Variants in AEN observed in about 807,000 individuals in gnomAD.
AEN encodes the protein apoptosis enhancing nuclease.
A neutral mutation model predicts 17.7 loss-of-function variants in AEN; 21 were observed. The ratio of observed to expected loss-of-function variants is 1.19; its 90% CI spans 0.84 to 1.71. AEN has a LOEUF of 1.71. Among genes scored for constraint, AEN ranks in the 40% most tolerant of loss-of-function variants. The pLI, the probability that AEN is intolerant of heterozygous loss-of-function variation, is 0.00. For missense variants in AEN, 462 were observed against 435.9 expected, an observed-to-expected ratio of 1.06 and a Z score of -0.53; for synonymous variants, 190 against 173.0, an observed-to-expected ratio of 1.10 and a Z score of -0.77.
At chr15:88,617,126 T>C (rs1446718578), upstream of AEN, among the ~76,000 whole-genome samples, 2 of 152,220 alleles carry the variant, frequency 1.3e-5, no homozygotes, top group Non-Finnish European at 2.9e-5. Context: ...GGTCTCACTA[T>C]GTTGCCCAGG....
chr15:88,616,864 ATGT>A (rs1294052393), upstream of AEN, among the ~76,000 whole-genome samples: 1 of 152,162 alleles, frequency 6.6e-6, no homozygotes, highest in Non-Finnish European at 1.5e-5. Context: ...GCCAATGTAA[ATGT>A]TGTAAGTACA....
chr15:88,613,588 G>C, the AEN span, among the ~76,000 whole-genome samples: 10 of 151,880 alleles, frequency 6.6e-5, no homozygotes, highest in South Asian at 6.3e-4. Context: ...AAGCATCTCG[G>C]GGGGGGATGT....
chr15:88,605,730 C>A, the AEN span, among the ~76,000 whole-genome samples: 3 of 152,192 alleles, frequency 2.0e-5, no homozygotes, highest in Middle Eastern at 3.2e-3. This position sits in a 1 kb window ranked among gnomAD's most constrained non-coding sequence, Gnocchi z 7.6. Context: ...TCCTTCGAGT[C>A]GCTACCCGCT....
At position 88,626,862 on chromosome 15, in the gene AEN, C is replaced by T. The variant is rs763784853; in HGVS notation, c.540+113C>T. On this transcript the variant is annotated intron_variant, in intron 2 of 3. Coordinates refer to ENST00000332810, the MANE Select transcript of AEN (RefSeq NM_022767.4). The stretch of plus-strand genomic sequence containing the variant: ...GGGCAAGAAACCTTGGGAAAGTCAC[C>T]TAACTGCTCCAAACAGTAGGTTCCT... The T allele has an allele frequency of 7.6e-6, 9 of 1,185,266 alleles. No homozygotes were observed. The South Asian group carries it at 1.0e-4, about 13-fold the overall frequency. The allele number at this position is 1,185,266 out of a possible 1,614,324, so 73.4% of individuals were successfully genotyped here.
upstream of AEN, among the ~76,000 whole-genome samples, chr15:88,617,500 G>A (rs939444757): frequency 6.6e-5 from 10 of 152,260 alleles, no homozygotes; most frequent in African/African-American, 1.4e-4. Context: ...TGATTCACCC[G>A]CCTTGGCCTC....
the AEN span, among the ~76,000 whole-genome samples, chr15:88,607,257 C>G: frequency 0.3 from 46,381 of 152,152 alleles, 7,285 homozygotes; most frequent in Non-Finnish European, 0.34. Context: ...TCCCCAGCAT[C>G]GCCTTCATAA....
At chr15:88,605,439 T>G in the AEN span, among the ~76,000 whole-genome samples, 1 of 152,170 alleles carries the variant, frequency 6.6e-6, no homozygotes, top group Admixed American at 6.5e-5. This position sits in a 1 kb window ranked among gnomAD's most constrained non-coding sequence, Gnocchi z 7.6. Context: ...AAGCCTCTCC[T>G]CTTTGCTTTG....
At chr15:88,606,953 C>A in the AEN span, among the ~76,000 whole-genome samples, 2 of 129,678 alleles carry the variant, frequency 1.5e-5, no homozygotes, top group Non-Finnish European at 3.2e-5. Context: ...TCTCTTTTTC[C>A]CCCTTAAAAT....
chr15:88,607,368 C>G, the AEN span, among the ~76,000 whole-genome samples: 2 of 152,196 alleles, frequency 1.3e-5, no homozygotes, highest in Non-Finnish European at 2.9e-5. Context: ...CTTGCCCTGC[C>G]TATGTCCATT....
the AEN span, chr15:88,611,879 T>C: frequency 1.9e-6 from 1 of 521,166 alleles, no homozygotes; most frequent in African/African-American, 1.9e-5. Flanking sequence ...ATTTTGTTGT[T>C]GTCTTACTGC....
At position 88,629,142 on chromosome 15, in the gene AEN, A is replaced by G. The variant is rs181508111; in HGVS notation, c.541-84A>G. The G allele has an allele frequency of 1.2e-3, 1,558 of 1,342,148 alleles. 3 individuals are homozygous for G. The highest frequency in any genetic ancestry group is 1.5e-3 in the Non-Finnish European group (1,458 of 945,196). 83.1% of individuals were successfully genotyped at this position (1,342,148 alleles called of 1,614,324 possible). A position where few individuals can be genotyped will look rare whatever the true frequency, so the allele number is the denominator to read the frequency against. On this transcript the variant is annotated intron_variant, in intron 2 of 3. Coordinates refer to ENST00000332810, the MANE Select transcript of AEN (RefSeq NM_022767.4). ...TCCCCCCACAGGGATCCATGCATCTATTGGCCAGGGGTTCTCAGGGCGTGT... is the reference window on the plus strand; with the variant it reads ...TCCCCCCACAGGGATCCATGCATCTGTTGGCCAGGGGTTCTCAGGGCGTGT...
chr15:88,619,334 AC>A, upstream of AEN, among the ~76,000 whole-genome samples: 1 of 152,180 alleles, frequency 6.6e-6, no homozygotes, highest in East Asian at 1.9e-4. Context: ...AACCCCAAAG[AC>A]CCCAGGCATA....
chr15:88,629,308 G>A lies in AEN; in HGVS notation c.623G>A (p.Arg208Gln), dbSNP rs1211503257. ...CAGGCGCTCAAGTATGTCCACCCTC[G>A]GAGCCAGACCCGGGATACGACCTAT... is the stretch of plus-strand genomic sequence containing the variant. ...DFQALKYVHP[R>Q]SQTRDTTYVP... Residue 208 changes from arginine to glutamine, a missense_variant, in exon 3 of 4, where the codon CGG becomes CAG. Transcript: ENST00000332810. The A allele has an allele frequency of 2.2e-5, 36 of 1,613,990 alleles. No individual in the cohort carries two copies. Among genetic ancestry groups the A allele is most frequent in the African/African-American group, 6.7e-5 (5 of 74,890 alleles).
At chr15:88,611,405 G>C in the AEN span, among the ~76,000 whole-genome samples, 2 of 146,776 alleles carry the variant, frequency 1.4e-5, no homozygotes, top group African/African-American at 5.1e-5. Flanking sequence ...AGACCAGCCT[G>C]GGCAATATAC....
the AEN span, chr15:88,604,846 TGGGG>T: frequency 6.6e-6 from 1 of 152,378 alleles, no homozygotes; most frequent in African/African-American, 2.4e-5. The surrounding 1 kb of genome is among the most constrained non-coding windows in gnomAD (Gnocchi z 8.1). Context: ...CTGCGGCTCC[TGGGG>T]GGAAGCAAAG....
chr15:88,628,905 G>A (rs1418714107), intron 2 of AEN: 3 of 290,716 alleles, frequency 1.0e-5, no homozygotes, highest in African/African-American at 2.2e-5. Context: ...ACCAGCAATA[G>A]AGTTGCTTGT....
intron 1 of AEN, among the ~76,000 whole-genome samples, chr15:88,624,486 AC>A (rs756602060): frequency 2.0e-5 from 3 of 152,116 alleles, no homozygotes; most frequent in Non-Finnish European, 4.4e-5. Context: ...ATACAGGAAG[AC>A]CCCAGCATAC....
At chr15:88,613,391 C>T in the AEN span, among the ~76,000 whole-genome samples, 10 of 152,196 alleles carry the variant, frequency 6.6e-5, no homozygotes, top group Non-Finnish European at 1.5e-4. Flanking sequence ...ATTTACACTT[C>T]AGAAGTCTGC....
In AEN at chr15:88,632,152, G is replaced by A. The variant is rs932168741; in HGVS notation, c.*1858G>A. The A allele has an allele frequency of 7.2e-5, 11 of 152,348 alleles. No individual in the cohort carries two copies. Among genetic ancestry groups the A allele is most frequent in the African/African-American group, 2.6e-4 (11 of 41,578 alleles). The allele number at this position is 152,348 out of a possible 1,614,324, so 9.4% of individuals were successfully genotyped here. The stretch of plus-strand genomic sequence containing the variant: ...GGTAGCTGATGTCAAACTCAATTGA[G>A]CAGTAGCTTTGATCCCTTGGTCTGG... On this transcript the variant is annotated 3_prime_UTR_variant, in exon 4 of 4. Coordinates refer to ENST00000332810, the MANE Select transcript of AEN (RefSeq NM_022767.4).
Sources: allele counts gnomAD v4.1 joint callset (sites outside exome capture counted in the v4.1 genomes callset), GRCh38; gene constraint gnomAD v4.1.1; non-coding constraint Gnocchi (gnomAD v3.1); transcripts MANE v1.5; gene names NCBI Gene and HGNC (gene_info 2026-07-23, HGNC 2026-07-21).